The following NMT2 variants were observed in gnomAD, a reference collection of about 807,000 sequenced individuals.
NMT2 encodes N-myristoyltransferase 2, also known as glycylpeptide N-tetradecanoyltransferase 2.
NMT2 carries 35 observed loss-of-function variants against 65.4 expected under a neutral mutation model. The observed-to-expected ratio is 0.54, with a 90% CI of 0.41 to 0.71. The LOEUF (loss-of-function observed/expected upper bound fraction) is 0.71. Ranked by LOEUF, NMT2 falls within the 30% of genes least tolerant of loss-of-function variation. The probability of loss-of-function intolerance (pLI) is 0.00; values close to 1 mark genes in which losing one functional copy is unlikely to be tolerated. For synonymous variants in NMT2, 226 were observed against 231.8 expected, an observed-to-expected ratio of 0.98 and a Z score of 0.23; for missense variants, 489 against 611.3, an observed-to-expected ratio of 0.80 and a Z score of 2.11.
intron 1 of NMT2, among the ~76,000 whole-genome samples, chr10:15,148,851 G>A (rs991554144): frequency 6.6e-5 from 10 of 152,104 alleles, no homozygotes; most frequent in African/African-American, 2.4e-4. Flanking sequence ...CTGACAATAT[G>A]AATAAGCACT....
chr10:15,140,836 T>A, intron 2 of NMT2: 2 of 716,458 alleles, frequency 2.8e-6, no homozygotes, highest in Non-Finnish European at 4.8e-6. Flanking sequence ...AACCCTCTTC[T>A]TGGCCACCAT....
At chr10:15,134,044 G>A (rs1457617054) in intron 3 of NMT2, among the ~76,000 whole-genome samples, 1 of 152,158 alleles carries the variant, frequency 6.6e-6, no homozygotes. Flanking sequence ...GCCTTGGGAG[G>A]TGTGTTCTTT....
At chr10:15,153,680 T>A (rs1440616146) in intron 1 of NMT2, among the ~76,000 whole-genome samples, 1 of 152,144 alleles carries the variant, frequency 6.6e-6, no homozygotes, top group Non-Finnish European at 1.5e-5. Flanking sequence ...AGACAGAGTC[T>A]CGTTCTGTCG....
At chr10:15,129,330 A>G (rs1236238629) in intron 7 of NMT2, among the ~76,000 whole-genome samples, 1 of 152,242 alleles carries the variant, frequency 6.6e-6, no homozygotes, top group Non-Finnish European at 1.5e-5. Flanking sequence ...GTCAATAAAA[A>G]CAGTGGTGAG....
chr10:15,129,662 A>G (rs564146591), intron 7 of NMT2, among the ~76,000 whole-genome samples: 1 of 152,170 alleles, frequency 6.6e-6, no homozygotes, highest in Non-Finnish European at 1.5e-5. Flanking sequence ...CATCTTTCAC[A>G]TGGAATAGAC....
At chr10:15,160,167 T>C (rs2131628982) in intron 1 of NMT2, among the ~76,000 whole-genome samples, 1 of 152,238 alleles carries the variant, frequency 6.6e-6, no homozygotes, top group Non-Finnish European at 1.5e-5. Context: ...TTCAAAGTTG[T>C]TTTCTGCGCT....
chr10:15,159,720 G>A (rs768383877), intron 1 of NMT2, among the ~76,000 whole-genome samples: 5 of 152,076 alleles, frequency 3.3e-5, no homozygotes, highest in East Asian at 1.9e-4. Context: ...GAGCCACTGC[G>A]CCCAGCAAAA....
chr10:15,138,722 G>A (rs1274686236), intron 2 of NMT2, among the ~76,000 whole-genome samples: 3 of 152,156 alleles, frequency 2.0e-5, no homozygotes, highest in African/African-American at 7.2e-5. Flanking sequence ...ATTCTGCAAT[G>A]CAGTCCACTG....
At chr10:15,137,053 T>A (rs1053165823) in intron 2 of NMT2, among the ~76,000 whole-genome samples, 1 of 152,198 alleles carries the variant, frequency 6.6e-6, no homozygotes, top group Non-Finnish European at 1.5e-5. Context: ...TTGCTGTATG[T>A]CAACACAGGG....
chr10:15,160,661 C>G (rs1833156867), intron 1 of NMT2, among the ~76,000 whole-genome samples: 1 of 151,992 alleles, frequency 6.6e-6, no homozygotes, highest in Non-Finnish European at 1.5e-5. Context: ...ATAATCCTGC[C>G]TACTTGGGAG....
At position 15,130,882 on chromosome 10, in the gene NMT2, T is replaced by C. The variant is rs573002660; in HGVS notation, c.720-570A>G. ...TTGGCTCACTGTAACCTCTTACTCC[T>C]GGGTTCAAACGATTCTCCTGCGTCA... On this transcript the variant is annotated intron_variant, in intron 6 of 11. Coordinates refer to ENST00000378165, the MANE Select transcript of NMT2 (RefSeq NM_004808.3). 2.4e-4 allele frequency among the ~76,000 whole-genome samples: 36 copies of C among 149,312 alleles called. 1 individual carries two copies. In the South Asian group the frequency reaches 7.7e-3, roughly 32 times the overall value.
At chr10:15,138,096 C>T (rs971373162) in intron 2 of NMT2, among the ~76,000 whole-genome samples, 18 of 151,464 alleles carry the variant, frequency 1.2e-4, no homozygotes, top group African/African-American at 1.9e-4. Context: ...CTGTGACCTC[C>T]GCCTCCTGGG....
At chr10:15,135,915 A>AGAGAGAGAGAGAAAACAAAGAAT (rs1846473113) in intron 2 of NMT2, among the ~76,000 whole-genome samples, 1 of 151,462 alleles carries the variant, frequency 6.6e-6, no homozygotes, top group South Asian at 2.1e-4. Context: ...AAACAAAGAA[A>AGAGAGAGAGAGAAAACAAAGAAT]GAGAAAGAGA....
rs550858296 is a variant in NMT2 at position 15,106,582 on chromosome 10, T to G, written c.*2613A>C. 4.8e-5 allele frequency: 45 copies of G among 936,438 alleles called. No individual in the cohort carries two copies. In the African/African-American group the frequency reaches 6.7e-4, roughly 14 times the overall value. 58.0% of individuals were successfully genotyped at this position (936,438 alleles called of 1,614,324 possible). ...TATTATGTACTACTGTGGGGCCCAG[T>G]CGCCCTCTGGTGGTAGTCTCAGGGA... On this transcript the variant is annotated 3_prime_UTR_variant, in exon 12 of 12. Coordinates refer to ENST00000378165, the MANE Select transcript of NMT2 (RefSeq NM_004808.3).
At chr10:15,156,475 C>CT (rs1833003864) in intron 1 of NMT2, among the ~76,000 whole-genome samples, 1 of 152,100 alleles carries the variant, frequency 6.6e-6, no homozygotes, top group Admixed American at 6.6e-5. Flanking sequence ...AGCATGAGAA[C>CT]GGACTAATAC....
At chr10:15,165,495 G>A (rs1833347843) in intron 1 of NMT2, among the ~76,000 whole-genome samples, 1 of 152,142 alleles carries the variant, frequency 6.6e-6, no homozygotes, top group South Asian at 2.1e-4. Flanking sequence ...AATTAAAACT[G>A]ACAATCCCTT....
chr10:15,125,940 C>G (rs1210158707), intron 8 of NMT2, among the ~76,000 whole-genome samples: 1 of 151,038 alleles, frequency 6.6e-6, no homozygotes, highest in Non-Finnish European at 1.5e-5. Flanking sequence ...GCTGGGATTA[C>G]AGGTGTGAGC....
At chr10:15,160,348 G>A (rs1368320078) in intron 1 of NMT2, among the ~76,000 whole-genome samples, 2 of 152,156 alleles carry the variant, frequency 1.3e-5, no homozygotes, top group Non-Finnish European at 2.9e-5. Context: ...AGCACCCTAA[G>A]GACACACAGG....
chr10:15,135,777 G>GC (rs1312946605), intron 2 of NMT2, among the ~76,000 whole-genome samples: 1 of 152,108 alleles, frequency 6.6e-6, no homozygotes, highest in Non-Finnish European at 1.5e-5. Context: ...ACGAGCCTTG[G>GC]GTGGGGGGCA....
Sources: allele counts gnomAD v4.1 joint callset (sites outside exome capture counted in the v4.1 genomes callset), GRCh38; gene constraint gnomAD v4.1.1; transcripts MANE v1.5; gene names NCBI Gene and HGNC (gene_info 2026-07-23, HGNC 2026-07-21).